The following BICC1 variants were observed in gnomAD, a reference collection of about 807,000 sequenced individuals.
BICC1 encodes the protein BicC family RNA binding protein 1.
In BICC1, 43 loss-of-function variants were observed where a neutral mutation model predicts 111.0. That is an observed-to-expected ratio of 0.39 (90% CI 0.30 to 0.50). The LOEUF is 0.50. BICC1 is among the 20% of genes least tolerant of loss of function. BICC1 has a pLI of 0.88. For missense variants in BICC1, 1,091 were observed against 1,203.2 expected (o/e 0.91, Z 1.38); for synonymous variants, 467 against 434.4 (o/e 1.07, Z -0.93).
At chr10:58,628,140 TA>T (rs1169354831) in intron 2 of BICC1, among the ~76,000 whole-genome samples, 1 of 152,200 alleles carries the variant, frequency 6.6e-6, no homozygotes, top group Non-Finnish European at 1.5e-5. Context: ...GATTGGTTTT[TA>T]TTTTCTTTCT....
chr10:58,585,051 T>A (rs752977726), intron 1 of BICC1, among the ~76,000 whole-genome samples: 6 of 152,200 alleles, frequency 3.9e-5, no homozygotes, highest in Non-Finnish European at 8.8e-5. Flanking sequence ...ACCTGGCAAG[T>A]GGTAGGGAGT....
chr10:58,824,230 C>T (rs1305537390), intron 20 of BICC1: 1 of 340,828 alleles, frequency 2.9e-6, no homozygotes. Context: ...ACCTCTGTCA[C>T]TTAGTACCTG....
At chr10:58,686,225 G>T (rs530002783) in intron 2 of BICC1, among the ~76,000 whole-genome samples, 1 of 146,478 alleles carries the variant, frequency 6.8e-6, no homozygotes, top group Middle Eastern at 3.2e-3. Flanking sequence ...AGTTTCTGCC[G>T]AGAGATCTGC....
chr10:58,694,832 C>T (rs1225612586), intron 2 of BICC1, among the ~76,000 whole-genome samples: 1 of 152,090 alleles, frequency 6.6e-6, no homozygotes, highest in Non-Finnish European at 1.5e-5. Flanking sequence ...TGCTGCTGCT[C>T]AGTTACTTCA....
chr10:58,757,347 T>C (rs920875772), intron 3 of BICC1, among the ~76,000 whole-genome samples: 2 of 152,184 alleles, frequency 1.3e-5, no homozygotes, highest in African/African-American at 4.8e-5. Flanking sequence ...GACGAGTATT[T>C]GACGTTATGG....
chr10:58,675,819 A>G (rs547725061), intron 2 of BICC1, among the ~76,000 whole-genome samples: 16 of 152,386 alleles, frequency 1.0e-4, no homozygotes, highest in Non-Finnish European at 2.4e-4. Context: ...TTTAAAATTT[A>G]AAAAGACATG....
chr10:58,637,864 C>G (rs542053865), intron 2 of BICC1, among the ~76,000 whole-genome samples: 4 of 152,096 alleles, frequency 2.6e-5, no homozygotes, highest in African/African-American at 9.6e-5. Flanking sequence ...CAGAGGGGAT[C>G]TAGTAACTAA....
chr10:58,808,295 G>T (rs1217059707), intron 17 of BICC1, among the ~76,000 whole-genome samples: 5 of 152,150 alleles, frequency 3.3e-5, no homozygotes, highest in African/African-American at 1.2e-4. Flanking sequence ...AACACAGAGA[G>T]AAAATAAACA....
intron 16 of BICC1, among the ~76,000 whole-genome samples, 155 bp from the exon 17 acceptor site, chr10:58,806,849 A>G (rs925299247): frequency 6.6e-6 from 1 of 152,222 alleles, no homozygotes. Flanking sequence ...CTTGGATAAA[A>G]TATTTCATTA....
intron 3 of BICC1, among the ~76,000 whole-genome samples, chr10:58,719,322 G>T (rs1460724032): frequency 1.3e-5 from 2 of 152,022 alleles, no homozygotes; most frequent in Admixed American, 1.3e-4. Flanking sequence ...TTACACCTGG[G>T]TTGTGTCTGC....
At chr10:58,798,273 T>G (rs79671223) in intron 10 of BICC1, 126 bp from the exon 11 acceptor site, 1 of 732,342 alleles carries the variant, frequency 1.4e-6, no homozygotes, top group Non-Finnish European at 2.0e-6. Context: ...AAATCTGTCA[T>G]CCATATTTTA....
intron 2 of BICC1, among the ~76,000 whole-genome samples, chr10:58,688,047 G>T (rs749928647): frequency 1.1e-4 from 16 of 152,126 alleles, no homozygotes; most frequent in Non-Finnish European, 2.1e-4. Context: ...CTCCCGGTGG[G>T]TTCGTGGTCT....
At chr10:58,539,391 T>G (rs1658460) in intron 1 of BICC1, among the ~76,000 whole-genome samples, 69,435 of 150,986 alleles carry the variant, frequency 0.46, 17,005 homozygotes, top group Admixed American at 0.62. Flanking sequence ...CTCAGAAGGC[T>G]GGCAAGCAGG....
chr10:58,761,910 T>TA (rs533480216), intron 3 of BICC1, among the ~76,000 whole-genome samples: 26 of 152,238 alleles, frequency 1.7e-4, no homozygotes, highest in African/African-American at 5.8e-4. Context: ...AAAAAATTCT[T>TA]ATAAAACATT....
intron 2 of BICC1, among the ~76,000 whole-genome samples, chr10:58,697,242 G>A (rs1263845303): frequency 6.6e-6 from 1 of 152,174 alleles, no homozygotes; most frequent in Non-Finnish European, 1.5e-5. Flanking sequence ...TTTCTTGTCA[G>A]ATTTTTTGGG....
intron 1 of BICC1, among the ~76,000 whole-genome samples, chr10:58,612,547 G>T (rs1189733060): frequency 6.6e-6 from 1 of 150,540 alleles, no homozygotes; most frequent in Non-Finnish European, 1.5e-5. Flanking sequence ...TTATCTTTCA[G>T]GTGACCGAAA....
chr10:58,819,544 CA>C (rs1844193807), intron 19 of BICC1, among the ~76,000 whole-genome samples: 1 of 152,130 alleles, frequency 6.6e-6, no homozygotes, highest in East Asian at 1.9e-4. Flanking sequence ...ATTCATTTAG[CA>C]ACTTTCACAG....
intron 2 of BICC1, among the ~76,000 whole-genome samples, chr10:58,666,132 C>T (rs1176238677): frequency 6.6e-6 from 1 of 152,130 alleles, no homozygotes; most frequent in Non-Finnish European, 1.5e-5. Context: ...TTCAGAGACT[C>T]CAGGGGTGCC....
At chr10:58,733,375 G>T (rs1438059578) in intron 3 of BICC1, among the ~76,000 whole-genome samples, 1 of 152,160 alleles carries the variant, frequency 6.6e-6, no homozygotes. Context: ...ATTCTAATCT[G>T]TAAAAAAAGT....
Sources: allele counts gnomAD v4.1 joint callset (sites outside exome capture counted in the v4.1 genomes callset), GRCh38; gene constraint gnomAD v4.1.1; transcripts MANE v1.5; gene names NCBI Gene and HGNC (gene_info 2026-07-23, HGNC 2026-07-21).